The following ANKS1A variants were observed in gnomAD, a reference collection of about 807,000 sequenced individuals.
ANKS1A encodes ankyrin repeat and SAM domain-containing protein 1A.
In ANKS1A, 55 loss-of-function variants were observed where a neutral mutation model predicts 120.3. The observed-to-expected ratio is 0.46, with a 90% CI of 0.37 to 0.57. The LOEUF is 0.57. Among genes scored for constraint, ANKS1A ranks in the 20% least tolerant of loss-of-function variants. The pLI is 0.00. For missense variants in ANKS1A, 1,123 were observed against 1,480.3 expected, an observed-to-expected ratio of 0.76 and a Z score of 3.96; for synonymous variants, 590 against 604.7, an observed-to-expected ratio of 0.98 and a Z score of 0.36.
intron 1 of ANKS1A, among the ~76,000 whole-genome samples, chr6:34,956,483 T>C (rs1241352504): frequency 6.6e-6 from 1 of 152,094 alleles, no homozygotes; most frequent in Non-Finnish European, 1.5e-5. Flanking sequence ...TGTATAGAGG[T>C]GGGAAGAGAT....
intron 3 of ANKS1A, among the ~76,000 whole-genome samples, chr6:34,972,127 C>T (rs1771214321): frequency 6.6e-6 from 1 of 152,126 alleles, no homozygotes; most frequent in Non-Finnish European, 1.5e-5. Context: ...ATTTCTAATC[C>T]TCTTTGCTCA....
chr6:34,945,225 A>G (rs889114518), intron 1 of ANKS1A, among the ~76,000 whole-genome samples: 1 of 151,966 alleles, frequency 6.6e-6, no homozygotes, highest in Admixed American at 6.6e-5. Context: ...ACAGGCATGC[A>G]CCACCACACC....
In ANKS1A at chr6:35,085,969, T is replaced by C; in HGVS notation, c.3303+33T>C. On this transcript the variant is annotated intron_variant, in intron 22 of 23. Transcript: ENST00000360359. The surrounding 1 kb of genome is among the most constrained non-coding windows in gnomAD (Gnocchi z 4.7). ...GGCCCCACTGGCCAAGATCCCCCTCTCCCTGGCCCCAGGGATTCAAGGGCT... is the reference window on the plus strand; with the variant it reads ...GGCCCCACTGGCCAAGATCCCCCTCCCCCTGGCCCCAGGGATTCAAGGGCT... 6.4e-7 allele frequency: 1 copy of C among 1,560,802 alleles called. No homozygotes were observed.
At chr6:34,971,622 A>G (rs1771188439) in intron 3 of ANKS1A, among the ~76,000 whole-genome samples, 1 of 152,190 alleles carries the variant, frequency 6.6e-6, no homozygotes, top group Admixed American at 6.5e-5. Context: ...GGATTGTTAA[A>G]TTACCTGTAG....
chr6:35,037,529 C>G (rs1775237252), intron 11 of ANKS1A, among the ~76,000 whole-genome samples: 1 of 152,130 alleles, frequency 6.6e-6, no homozygotes, highest in Admixed American at 6.5e-5. Flanking sequence ...AGCAGGTTAC[C>G]CCTTGGGCCG....
chr6:34,902,824 C>A (rs1403145099), intron 1 of ANKS1A, among the ~76,000 whole-genome samples: 1 of 143,952 alleles, frequency 6.9e-6, no homozygotes, highest in East Asian at 2.0e-4. Flanking sequence ...AAAAAAGATG[C>A]CTTTTCCTTA....
Position 35,090,404 on chromosome 6 carries a change from C to CG in ANKS1A, c.*1799dup. 8.3e-7 allele frequency: 1 copy of CG among 1,208,434 alleles called. No homozygotes were observed. The highest frequency in any genetic ancestry group is 1.1e-6 in the Non-Finnish European group (1 of 950,856). The allele number at this position is 1,208,434 out of a possible 1,614,324, so 74.9% of individuals were successfully genotyped here. On this transcript the variant is annotated 3_prime_UTR_variant, in exon 24 of 24. Transcript: ENST00000360359. ...CATCCAAGTGGGCCTCTGTCGGGGG[C>CG]GGGGCGGTAGGTCCGAAAGAAACCG...
At chr6:34,916,829 A>T (rs1768188457) in intron 1 of ANKS1A, among the ~76,000 whole-genome samples, 1 of 152,192 alleles carries the variant, frequency 6.6e-6, no homozygotes, top group African/African-American at 2.4e-5. Flanking sequence ...AAATTTCCTT[A>T]ATTTATTTAG....
At position 34,982,742 on chromosome 6, in the gene ANKS1A, T is replaced by G; in HGVS notation, c.733-10T>G. The G allele has an allele frequency of 6.2e-7, 1 of 1,614,260 alleles. No individual in the cohort carries two copies. On this transcript the variant is annotated splice_polypyrimidine_tract_variant and intron_variant, in intron 4 of 23. Coordinates refer to ENST00000360359, the MANE Select transcript of ANKS1A (RefSeq NM_015245.3). The surrounding 1 kb of genome is among the most constrained non-coding windows in gnomAD (Gnocchi z 4.9). Reference sequence around the variant, plus strand: ...TGACATCCCGCTCTGCGCTCTCGTTTGCTTTCCAGACGGAGATGGGCAGTG... The same window carrying G: ...TGACATCCCGCTCTGCGCTCTCGTTGGCTTTCCAGACGGAGATGGGCAGTG...
chr6:35,070,806 G>A, intron 13 of ANKS1A: 1 of 480,218 alleles, frequency 2.1e-6, no homozygotes. Flanking sequence ...TCTTAACCCA[G>A]ACACCCCTTT....
chr6:34,962,725 GT>G (rs779255183), intron 1 of ANKS1A, among the ~76,000 whole-genome samples: 3 of 151,426 alleles, frequency 2.0e-5, no homozygotes. Flanking sequence ...GGAGGCAGAG[GT>G]TGCAGTGAGC....
At chr6:34,949,586 A>T (rs1769968445) in intron 1 of ANKS1A, among the ~76,000 whole-genome samples, 1 of 152,198 alleles carries the variant, frequency 6.6e-6, no homozygotes, top group Non-Finnish European at 1.5e-5. Context: ...GGAAGGGACA[A>T]ATTTATGAGC....
chr6:34,901,232 T>TA (rs1462251305), intron 1 of ANKS1A, among the ~76,000 whole-genome samples: 2 of 151,990 alleles, frequency 1.3e-5, no homozygotes, highest in East Asian at 3.9e-4. Flanking sequence ...TTTTTTTTTT[T>TA]AAACAATTCG....
At chr6:35,004,029 G>C (rs1773301853) in intron 10 of ANKS1A, among the ~76,000 whole-genome samples, 1 of 152,184 alleles carries the variant, frequency 6.6e-6, no homozygotes, top group Non-Finnish European at 1.5e-5. Flanking sequence ...GTTATCTATA[G>C]ATTATAGAAA....
At chr6:34,890,073 G>A (rs923863338) in intron 1 of ANKS1A, among the ~76,000 whole-genome samples, 1 of 151,762 alleles carries the variant, frequency 6.6e-6, no homozygotes. Flanking sequence ...CTTCCACCAG[G>A]CTACACAGGA....
At chr6:34,960,514 G>C (rs114299609) in intron 1 of ANKS1A, among the ~76,000 whole-genome samples, 2 of 152,138 alleles carry the variant, frequency 1.3e-5, no homozygotes, top group Admixed American at 1.3e-4. Context: ...TCACCAAATA[G>C]AGTGGGCTGT....
At chr6:35,025,347 C>A (rs1774566748) in intron 11 of ANKS1A, among the ~76,000 whole-genome samples, 1 of 151,776 alleles carries the variant, frequency 6.6e-6, no homozygotes. Flanking sequence ...TTGATGCTAA[C>A]AGGAGAAACT....
chr6:34,892,196 C>G (rs887712310), intron 1 of ANKS1A, among the ~76,000 whole-genome samples: 4 of 152,166 alleles, frequency 2.6e-5, no homozygotes, highest in Admixed American at 1.3e-4. Context: ...ACCTCTCATT[C>G]CTGTGACTCC....
In ANKS1A at chr6:35,088,818, C is replaced by T. The variant is rs554360218; in HGVS notation, c.*209C>T. On this transcript the variant is annotated 3_prime_UTR_variant, in exon 24 of 24. Transcript: ENST00000360359. ...TTGGCTGTGGAGAAGCACTCCAGGC[C>T]GCTAGCAGATGGGACTGGCATTCCA... 29 of 1,480,338 alleles carry T rather than the reference C, an allele frequency of 2.0e-5. 1 individual carries two copies. The highest frequency in any genetic ancestry group is 2.0e-4 in the Middle Eastern group (1 of 4,930). The allele number at this position is 1,480,338 out of a possible 1,614,324, so 91.7% of individuals were successfully genotyped here.
Sources: gnomAD v4.1 joint callset for allele counts (sites outside exome capture counted in the v4.1 genomes callset) on GRCh38, gnomAD v4.1.1 for gene constraint, Gnocchi (gnomAD v3.1) non-coding constraint, MANE v1.5 for transcripts, NCBI Gene and HGNC (gene_info 2026-07-23, HGNC 2026-07-21) for gene names.